The following PTPRB variants were observed in gnomAD, a reference collection of about 807,000 sequenced individuals.
The protein encoded by PTPRB is protein tyrosine phosphatase receptor type B, also known as receptor-type tyrosine-protein phosphatase beta.
PTPRB carries 97 observed loss-of-function variants against 238.1 expected under a neutral mutation model. That is an observed-to-expected ratio of 0.41 (90% CI 0.35 to 0.48). PTPRB has a LOEUF of 0.48. Ranked by LOEUF, PTPRB falls within the 20% of genes least tolerant of loss-of-function variation. PTPRB has a pLI of 0.30. For synonymous variants in PTPRB, 970 were observed against 995.4 expected (o/e 0.97, Z 0.48); for missense variants, 2,292 against 2,681.9 (o/e 0.85, Z 3.21).
intron 22 of PTPRB, chr12:70,542,491 T>A (rs1268663274): frequency 6.6e-6 from 1 of 150,878 alleles, no homozygotes; most frequent in Non-Finnish European, 1.5e-5. Context: ...GGCAGGAGAA[T>A]TGCTTGAATT....
chr12:70,526,252 G>C (rs1421706683), intron 32 of PTPRB, among the ~76,000 whole-genome samples: 1 of 151,954 alleles, frequency 6.6e-6, no homozygotes, highest in Non-Finnish European at 1.5e-5. Flanking sequence ...GCCTAAGCTG[G>C]AGTACAGTGA....
At position 70,635,767 on chromosome 12, in the gene PTPRB, C is replaced by T; in HGVS notation, c.355G>A (p.Val119Met). 1 of 1,613,932 alleles carries T rather than the reference C, an allele frequency of 6.2e-7. No individual in the cohort carries two copies. Among genetic ancestry groups the T allele is most frequent in the African/African-American group, 1.3e-5 (1 of 75,042 alleles). ...LFLQKQGSRV[V>M]VKKARKYLHS... The stretch of plus-strand genomic sequence containing the variant: ...AGGTATTTCCTGGCCTTCTTGACCA[C>T]TACTCTGGAGCCTTGTTTCTGGAGA... Residue 119 changes from valine to methionine, a missense_variant, in exon 2 of 34, where the codon GTG becomes ATG. Around this residue, in one of 4 missense-constraint regions of PTPRB, gnomAD observed 1,205 missense variants for 1,287.8 expected, o/e 0.94. Coordinates refer to ENST00000334414, the MANE Select transcript of PTPRB (RefSeq NM_001109754.4).
Position 70,534,670 on chromosome 12 carries a change from G to C in PTPRB, c.6205-19C>G, listed in dbSNP as rs1215388298. The C allele has an allele frequency of 3.7e-6, 6 of 1,608,796 alleles. No homozygotes were observed. The highest frequency in any genetic ancestry group is 5.1e-6 in the Non-Finnish European group (6 of 1,177,484). On this transcript the variant is annotated intron_variant, in intron 30 of 33. Transcript: ENST00000334414. ...GTTCCTCCTGTAAGAGCAGAGAGCA[G>C]GATAAAAGAGGAACTGTCCAATGCA... is the stretch of plus-strand genomic sequence containing the variant.
chr12:70,588,455 G>T (rs943691229), intron 8 of PTPRB, among the ~76,000 whole-genome samples: 14 of 151,500 alleles, frequency 9.2e-5, no homozygotes, highest in Non-Finnish European at 2.1e-4. Context: ...CCAATATGGT[G>T]AAACCCCATC....
chr12:70,619,037 A>G (rs940899128), intron 3 of PTPRB, among the ~76,000 whole-genome samples: 1 of 152,110 alleles, frequency 6.6e-6, no homozygotes, highest in African/African-American at 2.4e-5. Flanking sequence ...CCAACATAGG[A>G]CAATCTTGCA....
At position 70,521,187 on chromosome 12, in the gene PTPRB, A is replaced by G. The variant is rs1031432225; in HGVS notation, c.*302T>C. On this transcript the variant is annotated 3_prime_UTR_variant, in exon 34 of 34. Coordinates refer to ENST00000334414, the MANE Select transcript of PTPRB (RefSeq NM_001109754.4). Reference sequence around the variant, plus strand: ...CATTTTACCAGTAGTCCTGTCATACAGGTTGAATTAGTTTTATGTAGAACA... The same window carrying G: ...CATTTTACCAGTAGTCCTGTCATACGGGTTGAATTAGTTTTATGTAGAACA... 3.9e-6 allele frequency: 1 copy of G among 254,102 alleles called. No homozygotes were observed. The highest frequency in any genetic ancestry group is 7.4e-6 in the Non-Finnish European group (1 of 135,074). The allele number at this position is 254,102 out of a possible 1,614,324, so 15.7% of individuals were successfully genotyped here. A position where few individuals can be genotyped will look rare whatever the true frequency, so the allele number is the denominator to read the frequency against.
chr12:70,577,391 TG>T (rs1482538229), intron 10 of PTPRB, among the ~76,000 whole-genome samples: 1 of 152,218 alleles, frequency 6.6e-6, no homozygotes, highest in Non-Finnish European at 1.5e-5. Context: ...ACCTACTATT[TG>T]CCAGGTATAC....
chr12:70,557,023 A>G (rs1877787521), intron 18 of PTPRB, among the ~76,000 whole-genome samples: 1 of 152,252 alleles, frequency 6.6e-6, no homozygotes, highest in Admixed American at 6.5e-5. Context: ...ATACCAGAAG[A>G]AATGGTGAGA....
rs372945030 is a variant in PTPRB at position 70,637,377 on chromosome 12, T to C, written c.19A>G (p.Met7Val). The change falls in exon 1 of 34, where the codon ATG (methionine) becomes GTG (valine). Residue 7 changes from methionine to valine, a missense_variant. Transcript: ENST00000334414. MEAEFYMVILTCLIFRN... is the reference protein window; with the variant it reads MEAEFYVVILTCLIFRN... ...AAGATCAAGCAGGTAAGAATCACCA[T>C]GTAAAATTCAGCCTCCATTTTCCAC... is the stretch of plus-strand genomic sequence containing the variant. The C allele has an allele frequency of 6.2e-7, 1 of 1,609,060 alleles. No homozygotes were observed. The highest frequency in any genetic ancestry group is 2.2e-5 in the East Asian group (1 of 44,706).
intron 10 of PTPRB, among the ~76,000 whole-genome samples, chr12:70,576,960 C>T (rs1880849901): frequency 1.3e-5 from 2 of 152,062 alleles, no homozygotes; most frequent in South Asian, 4.1e-4. Context: ...TGGAGACATC[C>T]TTATACAATG....
At chr12:70,525,186 C>T (rs1424739323) in intron 32 of PTPRB, among the ~76,000 whole-genome samples, 1 of 152,092 alleles carries the variant, frequency 6.6e-6, no homozygotes, top group Non-Finnish European at 1.5e-5. Flanking sequence ...GTAACTTCTC[C>T]AAGGTCACAC....
chr12:70,555,814 A>G, intron 19 of PTPRB, 56 bp downstream of exon 19: 1 of 1,577,350 alleles, frequency 6.3e-7, no homozygotes. Context: ...AGAAAGGTGC[A>G]CAGCCCCTTC....
intron 3 of PTPRB, among the ~76,000 whole-genome samples, chr12:70,621,647 G>A (rs193015777): frequency 6.6e-6 from 1 of 152,354 alleles, no homozygotes; most frequent in East Asian, 1.9e-4. Flanking sequence ...ATACCAGAAT[G>A]CTAAATGGAT....
chr12:70,551,521 A>G (rs192683219), intron 21 of PTPRB, among the ~76,000 whole-genome samples: 1 of 152,200 alleles, frequency 6.6e-6, no homozygotes, highest in Non-Finnish European at 1.5e-5. Context: ...ACAGTACGTC[A>G]TAGTCTCCTT....
At chr12:70,629,138 A>G (rs1455803184) in intron 2 of PTPRB, among the ~76,000 whole-genome samples, 1 of 152,186 alleles carries the variant, frequency 6.6e-6, no homozygotes, top group East Asian at 1.9e-4. Flanking sequence ...TGCCCCCAAA[A>G]GACTGTTTAA....
chr12:70,635,128 C>T (rs73328167), intron 2 of PTPRB, among the ~76,000 whole-genome samples: 226 of 152,258 alleles, frequency 1.5e-3, no homozygotes, highest in African/African-American at 5.3e-3. Context: ...TGATTCTTAA[C>T]ATTTCAAAAG....
chr12:70,605,784 A>T (rs1214692963), intron 4 of PTPRB, among the ~76,000 whole-genome samples: 1 of 152,224 alleles, frequency 6.6e-6, no homozygotes, highest in Non-Finnish European at 1.5e-5. Context: ...CAAACACTAC[A>T]TGAGCCAAAC....
chr12:70,561,621 C>T (rs1878497048), intron 16 of PTPRB, among the ~76,000 whole-genome samples: 1 of 152,192 alleles, frequency 6.6e-6, no homozygotes, highest in Non-Finnish European at 1.5e-5. Flanking sequence ...AAGCTTATCG[C>T]TGCTCTTTTT....
At chr12:70,619,296 G>GTGA (rs759778032) in intron 3 of PTPRB, among the ~76,000 whole-genome samples, 1,341 of 92,472 alleles carry the variant, frequency 0.015, 21 homozygotes, top group African/African-American at 0.058. Context: ...GGTGGTGGTG[G>GTGA]TGATGATGAT....
Sources: allele counts gnomAD v4.1 joint callset (sites outside exome capture counted in the v4.1 genomes callset), GRCh38; gene constraint gnomAD v4.1.1; regional missense constraint gnomAD v4.1.1; transcripts MANE v1.5; gene names NCBI Gene and HGNC (gene_info 2026-07-23, HGNC 2026-07-21).